The following FNDC9 variants were observed in gnomAD, a reference collection of about 807,000 sequenced individuals.
FNDC9 encodes the protein fibronectin type III domain containing 9.
FNDC9 carries 3 observed loss-of-function variants against 9.0 expected under a neutral mutation model. The ratio of observed to expected loss-of-function variants is 0.33; its 90% confidence interval spans 0.15 to 0.86. FNDC9 has a LOEUF of 0.86. FNDC9 is among the 40% of genes least tolerant of loss of function. The pLI is 0.53. For missense variants in FNDC9, 279 were observed against 287.2 expected (o/e 0.97, Z 0.21); for synonymous variants, 114 against 115.6 (o/e 0.99, Z 0.09).
chr5:157,344,955 T>C (rs984798380), intron 1 of FNDC9, among the ~76,000 whole-genome samples: 2 of 152,224 alleles, frequency 1.3e-5, no homozygotes, highest in Non-Finnish European at 2.9e-5. Context: ...GTTTTTCTTC[T>C]GTAAGGGTAA....
Position 157,343,539 on chromosome 5 carries a change from C to G in FNDC9, c.-3G>C, listed in dbSNP as rs760340248. 2.1e-5 allele frequency: 32 copies of G among 1,543,754 alleles called. No individual in the cohort carries two copies. The highest frequency in any genetic ancestry group is 2.6e-5 in the Non-Finnish European group (30 of 1,142,022). ...ATGTTCCCCACCTCGATGTTCATCC[C>G]GATTCTGGAACCAGAATCAAAGTGA... On this transcript the variant is annotated 5_prime_UTR_variant, in exon 2 of 2. Transcript: ENST00000312349.
intron 1 of FNDC9, 123 bp from the exon 2 acceptor site, chr5:157,343,666 A>C: frequency 2.5e-6 from 2 of 804,990 alleles, no homozygotes; most frequent in Non-Finnish European, 3.8e-6. Flanking sequence ...CTTACAGACA[A>C]AGAAATGGAG....
In FNDC9 at chr5:157,342,645, G is replaced by C; in HGVS notation, c.*217C>G. 2.0e-6 allele frequency: 1 copy of C among 502,740 alleles called. No individual in the cohort carries two copies. The highest frequency in any genetic ancestry group is 2.9e-5 in the East Asian group (1 of 34,134). 31.1% of individuals were successfully genotyped at this position (502,740 alleles called of 1,614,324 possible). On this transcript the variant is annotated 3_prime_UTR_variant, in exon 2 of 2. Coordinates refer to ENST00000312349, the MANE Select transcript of FNDC9 (RefSeq NM_001001343.4). ...TAACTGTGTCCTCCGAGTGGACGCT[G>C]CTGCTGAGATGCCTCGTTTGTGCCT...
chr5:157,344,736 C>G (rs535582345), intron 1 of FNDC9, among the ~76,000 whole-genome samples: 1 of 152,304 alleles, frequency 6.6e-6, no homozygotes, highest in African/African-American at 2.4e-5. Context: ...CACATGAAAC[C>G]CCGTAGGTTT....
In FNDC9 at chr5:157,342,901, A is replaced by AC. The variant is rs748255153; in HGVS notation, c.635dup (p.Gly213TrpfsTer2). ...GAGGCAGTATAGCGGGTGGGTCACC[A>AC]CCCCCCCTCTGTAAGGCACCCGCAT... On this transcript the variant is annotated frameshift_variant, in exon 2 of 2. Coordinates refer to ENST00000312349, the MANE Select transcript of FNDC9 (RefSeq NM_001001343.4). LOFTEE classifies it low-confidence loss of function (END_TRUNC). 1.2e-5 allele frequency: 19 copies of AC among 1,613,396 alleles called. No individual in the cohort carries two copies. Among genetic ancestry groups the AC allele is most frequent in the Middle Eastern group, 3.3e-4 (2 of 6,062 alleles).
intron 1 of FNDC9, among the ~76,000 whole-genome samples, chr5:157,344,335 C>T (rs954032328): frequency 3.9e-5 from 6 of 152,132 alleles, no homozygotes; most frequent in African/African-American, 1.4e-4. Context: ...AATTAATTTC[C>T]TTTATTCTTC....
In FNDC9 at chr5:157,343,449, T is replaced by C; in HGVS notation, c.88A>G (p.Ile30Val). The change falls in exon 2 of 2, where the codon ATT becomes GTT. Residue 30 changes from isoleucine (I) to valine (V), a missense_variant. Physicochemically the swap from Ile to Val is conservative, Grantham distance 29. Coordinates refer to ENST00000312349, the MANE Select transcript of FNDC9 (RefSeq NM_001001343.4). ...CTGTTCCAGTTGGGCCTGTACATAA[T>C]ATGGTAATAGTCCTCCAGGCAGGGC... The part of the protein sequence containing the change: ...SEPCLEDYYH[I>V]MYRPNWNSIF... 1 of 1,613,988 alleles carries C rather than the reference T, an allele frequency of 6.2e-7. No homozygotes were observed. The highest frequency in any genetic ancestry group is 8.5e-7 in the Non-Finnish European group (1 of 1,179,908).
chr5:157,343,528 G>A lies in FNDC9; in HGVS notation c.9C>T (p.Ile3=), dbSNP rs767226158. MN[I]EVGNISYTGA... ...CTGTATAAGAAATGTTCCCCACCTC[G>A]ATGTTCATCCCGATTCTGGAACCAG... Residue 3 remains isoleucine (I), a synonymous_variant, in exon 2 of 2, where the codon ATC becomes ATT. Transcript: ENST00000312349. The A allele has an allele frequency of 2.6e-5, 40 of 1,557,836 alleles. No homozygotes were observed. Among genetic ancestry groups the A allele is most frequent in the Middle Eastern group, 1.7e-4 (1 of 5,804 alleles).
rs886624447 is a variant in FNDC9, at chr5:157,342,615, A to G, written c.*247T>C. ...TTTTAATGTTAAAACAATGCTTTCA[A>G]TTCTTAACTGTGTCCTCCGAGTGGA... is the stretch of plus-strand genomic sequence containing the variant. On this transcript the variant is annotated 3_prime_UTR_variant, in exon 2 of 2. Coordinates refer to ENST00000312349, the MANE Select transcript of FNDC9 (RefSeq NM_001001343.4). 1 of 440,454 alleles carries G rather than the reference A, an allele frequency of 2.3e-6. No individual in the cohort carries two copies. Among genetic ancestry groups the G allele is most frequent in the Non-Finnish European group, 4.0e-6 (1 of 248,530 alleles). 27.3% of individuals were successfully genotyped at this position (440,454 alleles called of 1,614,324 possible).
chr5:157,344,316 A>G (rs921243393), intron 1 of FNDC9, among the ~76,000 whole-genome samples: 2 of 152,220 alleles, frequency 1.3e-5, no homozygotes, highest in African/African-American at 4.8e-5. Flanking sequence ...TAGATGATTC[A>G]CAGGCAGTAA....
rs55678400 is a variant in FNDC9 at position 157,342,544 on chromosome 5, T to TAA, written c.*317_*318insTT. ...TTTCCTTCAAGTGCTGTGTTTTATT[T>TAA]GTCATGCAAATTTTTGCTTTCTACT... On this transcript the variant is annotated 3_prime_UTR_variant, in exon 2 of 2. Transcript: ENST00000312349. The TAA allele has an allele frequency of 0.97, 225,176 of 232,952 alleles. 108,921 individuals are homozygous for TAA. The highest frequency in any genetic ancestry group is 1 in the East Asian group (12,006 of 12,014). 14.4% of individuals were successfully genotyped at this position (232,952 alleles called of 1,614,324 possible). A position where few individuals can be genotyped will look rare whatever the true frequency, so the allele number is the denominator to read the frequency against.
rs766318092 is a variant in FNDC9 at position 157,342,604 on chromosome 5, C to T, written c.*258G>A. The T allele has an allele frequency of 2.5e-6, 1 of 406,984 alleles. No homozygotes were observed. Among genetic ancestry groups the T allele is most frequent in the Non-Finnish European group, 4.4e-6 (1 of 228,044 alleles). 25.2% of individuals were successfully genotyped at this position (406,984 alleles called of 1,614,324 possible). On this transcript the variant is annotated 3_prime_UTR_variant, in exon 2 of 2. Coordinates refer to ENST00000312349, the MANE Select transcript of FNDC9 (RefSeq NM_001001343.4). Reference sequence around the variant, plus strand: ...ATCCATGTTTGTTTTAATGTTAAAACAATGCTTTCAATTCTTAACTGTGTC... The same window carrying T: ...ATCCATGTTTGTTTTAATGTTAAAATAATGCTTTCAATTCTTAACTGTGTC...
chr5:157,342,978 TC>T lies in FNDC9; in HGVS notation c.558del (p.Asn187ThrfsTer49). Reference sequence around the variant, plus strand: ...TCCAGTTCAGCTCCATCTCTGGAGTTCTTGCGTGGCATTTCCACCAGGGGGA... The same window carrying T: ...TCCAGTTCAGCTCCATCTCTGGAGTTTTGCGTGGCATTTCCACCAGGGGGA... ...QGLPLVEMPR[K>X]NSRDGAELDP... On this transcript the variant is annotated frameshift_variant, in exon 2 of 2. Transcript: ENST00000312349. LOFTEE classifies it low-confidence loss of function (END_TRUNC). The T allele has an allele frequency of 6.2e-7, 1 of 1,614,220 alleles. No homozygotes were observed. Among genetic ancestry groups the T allele is most frequent in the South Asian group, 1.1e-5 (1 of 91,090 alleles).
At position 157,342,950 on chromosome 5, in the gene FNDC9, G is replaced by A. The variant is rs769576772; in HGVS notation, c.587C>T (p.Pro196Leu). 5 of 1,614,198 alleles carry A rather than the reference G, an allele frequency of 3.1e-6. No homozygotes were observed. The South Asian group carries it at 3.3e-5, about 11-fold the overall frequency. Reference protein sequence around the residue: ...KNSRDGAELDPEANQDAPDAG... With the variant: ...KNSRDGAELDLEANQDAPDAG... ...ATCAGGGGCATCCTGGTTGGCTTCG[G>A]GATCCAGTTCAGCTCCATCTCTGGA... The change falls in exon 2 of 2, where the codon CCC (proline) becomes CTC (leucine). Residue 196 changes from proline to leucine, a missense_variant. Transcript: ENST00000312349.
intron 1 of FNDC9, 51 bp downstream of exon 1, chr5:157,345,490 T>A (rs1762615491): frequency 1.3e-5 from 2 of 152,574 alleles, no homozygotes; most frequent in African/African-American, 4.8e-5. Flanking sequence ...CCAAGCAGAG[T>A]GTGAAAAGAA....
chr5:157,343,403 C>T lies in FNDC9; in HGVS notation c.134G>A (p.Arg45His), dbSNP rs764749971. 1.4e-5 allele frequency: 23 copies of T among 1,613,960 alleles called. No homozygotes were observed. Among genetic ancestry groups the T allele is most frequent in the South Asian group, 3.3e-5 (3 of 91,078 alleles). The change falls in exon 2 of 2, where the codon CGC (arginine) becomes CAC (histidine). Residue 45 changes from arginine (R) to histidine (H), a missense_variant. Transcript: ENST00000312349. The part of the protein sequence containing the change: ...NWNSIFSGYL[R>H]YSFHHEEKVP... ...CTTCTCCTCGTGGTGGAAGCTGTAG[C>T]GAAGATAGCCAGAGAAGATGCTGTT... is the stretch of plus-strand genomic sequence containing the variant.
At position 157,344,343 on chromosome 5, in the gene FNDC9, T is replaced by C. The variant is rs191866920; in HGVS notation, c.-7-800A>G. Among the ~76,000 whole-genome samples the C allele has an allele frequency of 5.1e-4, 77 of 152,326 alleles. No homozygotes were observed. The East Asian group carries it at 0.014, about 27-fold the overall frequency. On this transcript the variant is annotated intron_variant, in intron 1 of 1. Coordinates refer to ENST00000312349, the MANE Select transcript of FNDC9 (RefSeq NM_001001343.4). Reference sequence around the variant, plus strand: ...AGGCAGTAATTAATTTCCTTTATTCTTCATCACATCCTCTGAGCTAGATTC... The same window carrying C: ...AGGCAGTAATTAATTTCCTTTATTCCTCATCACATCCTCTGAGCTAGATTC...
Position 157,341,626 on chromosome 5 carries a change from C to A in FNDC9, c.*1236G>T. ...GAGTATATGAATCTTTATTTGTTCA[C>A]AAGTAGCAGGAATGGGGGCAAAAGT... On this transcript the variant is annotated 3_prime_UTR_variant, in exon 2 of 2. Coordinates refer to ENST00000312349, the MANE Select transcript of FNDC9 (RefSeq NM_001001343.4). 6.4e-6 allele frequency: 1 copy of A among 157,126 alleles called. No individual in the cohort carries two copies. The highest frequency in any genetic ancestry group is 1.4e-5 in the Non-Finnish European group (1 of 70,944). The allele number at this position is 157,126 out of a possible 1,614,324, so 9.7% of individuals were successfully genotyped here. A position where few individuals can be genotyped will look rare whatever the true frequency, so the allele number is the denominator to read the frequency against.
chr5:157,345,505 T>C (rs1417647568), intron 1 of FNDC9, 36 bp downstream of exon 1: 2 of 152,582 alleles, frequency 1.3e-5, no homozygotes, highest in Non-Finnish European at 2.9e-5. Flanking sequence ...AAAGAAGCCA[T>C]TTCCATTTCC....
Sources: gnomAD v4.1 joint callset for allele counts (sites outside exome capture counted in the v4.1 genomes callset) on GRCh38, gnomAD v4.1.1 for gene constraint, MANE v1.5 for transcripts, NCBI Gene and HGNC (gene_info 2026-07-23, HGNC 2026-07-21) for gene names.